Variants in PSME4 observed in about 807,000 individuals in gnomAD.
PSME4 encodes the protein proteasome activator complex subunit 4.
PSME4 carries 89 observed loss-of-function variants against 253.9 expected under a neutral mutation model. The observed-to-expected ratio is 0.35, with a 90% CI of 0.30 to 0.42. The LOEUF (loss-of-function observed/expected upper bound fraction) is 0.42, where lower values mean the gene tolerates loss of function less well. Among genes scored for constraint, PSME4 ranks in the 10% least tolerant of loss-of-function variants. PSME4 has a pLI of 1.00. For missense variants in PSME4, 2,014 were observed against 2,195.2 expected, an observed-to-expected ratio of 0.92 and a Z score of 1.65; for synonymous variants, 851 against 759.2, an observed-to-expected ratio of 1.12 and a Z score of -1.99.
At chr2:53,919,270 T>C in intron 19 of PSME4, 24 bp from the exon 20 acceptor site, 1 of 1,557,864 alleles carries the variant, frequency 6.4e-7, no homozygotes, top group African/African-American at 1.4e-5. Flanking sequence ...AAAGACATTT[T>C]CATATTTCCA....
chr2:53,970,876 C>T lies in PSME4; in HGVS notation c.-92G>A. On this transcript the variant is annotated 5_prime_UTR_variant, in exon 1 of 47. Coordinates refer to ENST00000404125, the MANE Select transcript of PSME4 (RefSeq NM_014614.3). ...CTCCGCCTCCTCCGCGTCTTCGTCG[C>T]CCTGCGGCCGCTGGCGGCCCGTCGC... 8.5e-7 allele frequency: 1 copy of T among 1,172,650 alleles called. No individual in the cohort carries two copies. Among genetic ancestry groups the T allele is most frequent in the East Asian group, 2.9e-5 (1 of 34,178 alleles). 72.6% of individuals were successfully genotyped at this position (1,172,650 alleles called of 1,614,324 possible).
intron 20 of PSME4, among the ~76,000 whole-genome samples, chr2:53,912,093 G>A (rs972872509): frequency 3.3e-5 from 5 of 152,250 alleles, no homozygotes; most frequent in African/African-American, 1.2e-4. Context: ...TTAAAATACA[G>A]CTTCCATATC....
chr2:53,933,475 G>A (rs1369990260), intron 8 of PSME4, among the ~76,000 whole-genome samples: 2 of 150,228 alleles, frequency 1.3e-5, no homozygotes. Context: ...AATCTCCTAG[G>A]CTCAAGCGAT....
chr2:53,948,320 C>A lies in PSME4; in HGVS notation c.500+101G>T, dbSNP rs770084840. ...CACAGAAATAGGCACATTAAAATAT[C>A]TGCTTGTTTCTTTCAAACAACTCAA... On this transcript the variant is annotated intron_variant, in intron 3 of 46. Coordinates refer to ENST00000404125, the MANE Select transcript of PSME4 (RefSeq NM_014614.3). 1.9e-5 allele frequency: 14 copies of A among 752,620 alleles called. No individual in the cohort carries two copies. The Admixed American group carries it at 1.9e-4, about 10-fold the overall frequency. 46.6% of individuals were successfully genotyped at this position (752,620 alleles called of 1,614,324 possible).
intron 3 of PSME4, among the ~76,000 whole-genome samples, chr2:53,940,970 T>TTTAAATATATATATATACATATTTAA (rs1214086247): frequency 1.5e-5 from 1 of 67,068 alleles, no homozygotes; most frequent in African/African-American, 4.6e-5. Flanking sequence ...TATATATATA[T>TTTAAATATATATATATACATATTTAA]ATATATATAT....
At chr2:53,898,429 T>C (rs767417798) in intron 29 of PSME4, 75 bp from the exon 30 acceptor site, 3 of 1,213,768 alleles carry the variant, frequency 2.5e-6, no homozygotes, top group Admixed American at 2.4e-5. Context: ...AAATTCAAAT[T>C]CTAGCCAATT....
At chr2:53,886,202 G>GT (rs1242111569) in intron 40 of PSME4, among the ~76,000 whole-genome samples, 1 of 152,178 alleles carries the variant, frequency 6.6e-6, no homozygotes, top group African/African-American at 2.4e-5. Flanking sequence ...GAGCTCAGGA[G>GT]TTCAAGACCA....
chr2:53,901,172 T>C (rs1316953480), intron 28 of PSME4, among the ~76,000 whole-genome samples, 178 bp downstream of exon 28: 3 of 152,150 alleles, frequency 2.0e-5, no homozygotes, highest in Non-Finnish European at 1.5e-5. Context: ...CACCCTGTTA[T>C]GTACAATAAT....
chr2:53,916,108 G>T (rs932629699), intron 20 of PSME4, among the ~76,000 whole-genome samples: 1 of 151,888 alleles, frequency 6.6e-6, no homozygotes, highest in East Asian at 1.9e-4. Context: ...TTAGCTGCGT[G>T]TGGGGGCGGA....
intron 4 of PSME4, among the ~76,000 whole-genome samples, chr2:53,937,925 G>A (rs111961258): frequency 1.6e-4 from 24 of 152,016 alleles, no homozygotes; most frequent in African/African-American, 5.3e-4. Context: ...CCCAGGAGAT[G>A]GAGGTTGCAG....
At chr2:53,966,766 C>G (rs2104493990) in intron 1 of PSME4, among the ~76,000 whole-genome samples, 1 of 152,118 alleles carries the variant, frequency 6.6e-6, no homozygotes, top group South Asian at 2.1e-4. Flanking sequence ...TGGAGTGGCG[C>G]TTGGCTCACT....
chr2:53,951,058 G>A (rs1223117259), intron 1 of PSME4, among the ~76,000 whole-genome samples: 1 of 152,002 alleles, frequency 6.6e-6, no homozygotes, highest in East Asian at 1.9e-4. Context: ...CCCAGTACCT[G>A]AGATCAAATA....
intron 34 of PSME4, 71 bp downstream of exon 34, chr2:53,894,936 G>A: frequency 7.7e-7 from 1 of 1,303,584 alleles, no homozygotes; most frequent in East Asian, 2.3e-5. Context: ...AAGAAGAACT[G>A]AAGTGAGGTT....
chr2:53,943,166 C>T (rs957462023), intron 3 of PSME4, among the ~76,000 whole-genome samples: 4 of 152,166 alleles, frequency 2.6e-5, no homozygotes, highest in South Asian at 2.1e-4. Context: ...CTGCTCATAG[C>T]CAGAAGTACT....
Position 53,970,962 on chromosome 2 carries a change from C to G in PSME4, c.-178G>C, listed in dbSNP as rs190865384. The G allele has an allele frequency of 7.6e-3, 3,852 of 506,468 alleles. 127 individuals are homozygous for G. The highest frequency in any genetic ancestry group is 0.071 in the African/African-American group (3,498 of 49,280). 31.4% of individuals were successfully genotyped at this position (506,468 alleles called of 1,614,324 possible). A position where few individuals can be genotyped will look rare whatever the true frequency, so the allele number is the denominator to read the frequency against. ...GCGTGCTGCTGGGCCCCACGCGGCT[C>G]TCAGTTCGTTGGCGGCGGCAGCGGC... On this transcript the variant is annotated 5_prime_UTR_variant, in exon 1 of 47. Transcript: ENST00000404125.
intron 3 of PSME4, among the ~76,000 whole-genome samples, chr2:53,943,228 T>A (rs892012878): frequency 9.2e-5 from 14 of 152,242 alleles, no homozygotes; most frequent in African/African-American, 2.9e-4. Context: ...AGAATAATAT[T>A]TGCTTTTTCA....
intron 1 of PSME4, among the ~76,000 whole-genome samples, chr2:53,953,853 G>A (rs891168640): frequency 6.6e-6 from 1 of 152,148 alleles, no homozygotes; most frequent in African/African-American, 2.4e-5. Context: ...ACGATTGAAC[G>A]TGATTGATAT....
At chr2:53,903,404 C>T (rs182747857) in intron 27 of PSME4, among the ~76,000 whole-genome samples, 2 of 152,266 alleles carry the variant, frequency 1.3e-5, no homozygotes, top group Admixed American at 6.5e-5. Flanking sequence ...CGTTCTCACT[C>T]TTAATTCACT....
chr2:53,910,343 T>C (rs1667773694), intron 20 of PSME4, among the ~76,000 whole-genome samples: 1 of 152,094 alleles, frequency 6.6e-6, no homozygotes, highest in African/African-American at 2.4e-5. Context: ...AAAGAAAAAA[T>C]TTAGTGACTT....
Sources: gnomAD v4.1 joint callset for allele counts (sites outside exome capture counted in the v4.1 genomes callset) on GRCh38, gnomAD v4.1.1 for gene constraint, MANE v1.5 for transcripts, NCBI Gene and HGNC (gene_info 2026-07-23, HGNC 2026-07-21) for gene names.